NTRK1: variants seen among roughly 807,000 people sequenced by gnomAD.
The protein encoded by NTRK1 is high affinity nerve growth factor receptor.
NTRK1 carries 62 observed loss-of-function variants against 86.8 expected under a neutral mutation model. That is an observed-to-expected ratio of 0.71 (90% CI 0.58 to 0.88). The LOEUF (loss-of-function observed/expected upper bound fraction) is 0.88. NTRK1 is among the 40% of genes least tolerant of loss of function. NTRK1 has a pLI of 0.00. For missense variants in NTRK1, 967 were observed against 1,078.4 expected, an observed-to-expected ratio of 0.90 and a Z score of 1.45; for synonymous variants, 469 against 456.6, an observed-to-expected ratio of 1.03 and a Z score of -0.35.
intron 1 of NTRK1, among the ~76,000 whole-genome samples, chr1:156,833,432 C>G (rs901418068): frequency 6.6e-6 from 1 of 152,136 alleles, no homozygotes; most frequent in African/African-American, 2.4e-5. Flanking sequence ...TGGCATACCC[C>G]TATAATCCCA....
upstream of NTRK1, chr1:156,860,777 GA>G (rs1195980491): frequency 1.4e-5 from 18 of 1,300,972 alleles, no homozygotes; most frequent in East Asian, 5.6e-4. Context: ...GGGTGGAGAA[GA>G]GGGGCAAGGC....
At position 156,854,174 on chromosome 1, in the gene NTRK1, C is replaced by A; in HGVS notation, c.51-10180C>A. On this transcript the variant is annotated intron_variant, in intron 2 of 16. Transcript: ENST00000392302. The surrounding 1 kb of genome is among the most constrained non-coding windows in gnomAD (Gnocchi z 4.2). ...GGTGACCTGGGTGAGGCGAGGGAAG[C>A]TGAGGCCGCGGAAGTCCTCCCCGGT... 1.2e-6 allele frequency: 2 copies of A among 1,614,142 alleles called. No homozygotes were observed. The highest frequency in any genetic ancestry group is 2.2e-5 in the East Asian group (1 of 44,890).
intron 1 of NTRK1, among the ~76,000 whole-genome samples, chr1:156,836,016 T>C (rs1286140641): frequency 1.3e-5 from 2 of 152,196 alleles, no homozygotes; most frequent in Non-Finnish European, 1.5e-5. Flanking sequence ...TCCCTTTTCA[T>C]AGTCTCAGAA....
At chr1:156,857,313 G>A (rs992648920), upstream of NTRK1, among the ~76,000 whole-genome samples, 1 of 152,132 alleles carries the variant, frequency 6.6e-6, no homozygotes, top group Non-Finnish European at 1.5e-5. Flanking sequence ...GCTCTGCGAG[G>A]CAGATAGGGG....
At chr1:156,874,490 C>A (rs1227164549) in intron 9 of NTRK1, 81 bp from the exon 10 acceptor site, 1 of 1,611,218 alleles carries the variant, frequency 6.2e-7, no homozygotes, top group Non-Finnish European at 8.5e-7. Context: ...CCCTGAGAGA[C>A]CAGCTGGGGC....
chr1:156,832,221 G>T (rs1404136503), intron 1 of NTRK1, among the ~76,000 whole-genome samples: 1 of 152,168 alleles, frequency 6.6e-6, no homozygotes, highest in East Asian at 1.9e-4. Context: ...TGTACTCTCT[G>T]CCCCTAGTTG....
At chr1:156,845,176 G>C (rs371698286) in intron 2 of NTRK1, 244 of 1,610,976 alleles carry the variant, frequency 1.5e-4, no homozygotes, top group Non-Finnish European at 2.0e-4. Flanking sequence ...ATTCCGTGAA[G>C]TGGCGCAGGC....
At chr1:156,826,079 G>A (rs577608127) in intron 1 of NTRK1, among the ~76,000 whole-genome samples, 1 of 152,234 alleles carries the variant, frequency 6.6e-6, no homozygotes, top group Non-Finnish European at 1.5e-5. Context: ...CCACAGATGG[G>A]TGGGCACTGC....
intron 16 of NTRK1, among the ~76,000 whole-genome samples, chr1:156,880,816 A>C (rs886867256): frequency 2.6e-5 from 4 of 152,216 alleles, no homozygotes; most frequent in Non-Finnish European, 5.9e-5. Context: ...GGAGGGGGGA[A>C]GAAGGGGAAA....
intron 4 of NTRK1, 56 bp from the exon 5 acceptor site, chr1:156,868,048 C>G: frequency 6.2e-7 from 1 of 1,605,690 alleles, no homozygotes; most frequent in Non-Finnish European, 8.5e-7. Context: ...CCTCTTATCC[C>G]CTGTGATCCC....
At chr1:156,878,943 C>T (rs971874607) in intron 14 of NTRK1, among the ~76,000 whole-genome samples, 179 bp from the exon 15 acceptor site, 11 of 152,300 alleles carry the variant, frequency 7.2e-5, no homozygotes, top group Non-Finnish European at 1.0e-4. Flanking sequence ...GAGGTGGGCA[C>T]ACCTGTTCCG....
At chr1:156,841,563 C>T (rs1328574675) in intron 1 of NTRK1, 2 of 1,613,870 alleles carry the variant, frequency 1.2e-6, no homozygotes, top group East Asian at 2.2e-5. Context: ...GCCCAGCACC[C>T]TTCGTGCTAC....
At chr1:156,844,938 A>G (rs1654935987) in intron 2 of NTRK1, 10 of 1,574,358 alleles carry the variant, frequency 6.4e-6, no homozygotes, top group Non-Finnish European at 8.6e-6. Flanking sequence ...GGAGGTGGGG[A>G]AAGCTTTGGG....
Position 156,850,308 on chromosome 1 carries a change from T to C in NTRK1, c.50+8115T>C, listed in dbSNP as rs535304039. Among the ~76,000 whole-genome samples the C allele has an allele frequency of 1.7e-4, 26 of 152,070 alleles. No homozygotes were observed. In the South Asian group the frequency reaches 5.2e-3, roughly 30 times the overall value. ...CTCAGTGTAACCCCTGTCTCCCAGG[T>C]TCAAGTGATTCTCCTGCCTCAGCCT... On this transcript the variant is annotated intron_variant, in intron 2 of 16. Coordinates refer to the NTRK1 transcript ENST00000392302.
chr1:156,877,326 T>C (rs1447979935), intron 14 of NTRK1, among the ~76,000 whole-genome samples: 1 of 152,280 alleles, frequency 6.6e-6, no homozygotes, highest in East Asian at 1.9e-4. Context: ...ATTCATTTCT[T>C]TGGCTTCGGA....
intron 2 of NTRK1, chr1:156,846,817 C>A (rs1655032089): frequency 3.6e-6 from 5 of 1,379,780 alleles, no homozygotes; most frequent in Admixed American, 3.4e-5. Flanking sequence ...TTCTGGCACC[C>A]CCGCTCTGAA....
At chr1:156,831,851 C>G (rs944173634) in intron 1 of NTRK1, among the ~76,000 whole-genome samples, 3 of 152,182 alleles carry the variant, frequency 2.0e-5, no homozygotes, top group Non-Finnish European at 2.9e-5. Flanking sequence ...TGAAGGGTTT[C>G]CCTCTTCCCT....
At chr1:156,864,993 G>A in intron 3 of NTRK1, 194 bp downstream of exon 3, 1 of 647,758 alleles carries the variant, frequency 1.5e-6, no homozygotes, top group African/African-American at 1.8e-5. Flanking sequence ...ACAGCTAGAG[G>A]TCCTCCTTGC....
At chr1:156,815,781 C>T (rs374760070) in exon 1 of NTRK1, 15 of 1,613,250 alleles carry the variant, frequency 9.3e-6, no homozygotes, top group East Asian at 2.2e-5. Flanking sequence ...TCAGCCTGAG[C>T]TTCCAGAGGG....
Sources: allele counts gnomAD v4.1 joint callset (sites outside exome capture counted in the v4.1 genomes callset), GRCh38; gene constraint gnomAD v4.1.1; non-coding constraint Gnocchi (gnomAD v3.1); transcripts MANE v1.5; gene names NCBI Gene and HGNC (gene_info 2026-07-23, HGNC 2026-07-21).